Variants in KLHL29 observed in about 807,000 individuals in gnomAD.
KLHL29 encodes kelch like family member 29.
Under a neutral mutation model 80.4 loss-of-function variants are expected in KLHL29, and 21 were observed. That is an observed-to-expected ratio of 0.26 (90% CI 0.19 to 0.38). The LOEUF is 0.38. Among genes scored for constraint, KLHL29 ranks in the 10% least tolerant of loss-of-function variants. The pLI is 1.00. For synonymous variants in KLHL29, 511 were observed against 526.8 expected (o/e 0.97, Z 0.41); for missense variants, 867 against 1,223.9 (o/e 0.71, Z 4.35).
intron 5 of KLHL29, among the ~76,000 whole-genome samples, chr2:23,676,443 A>C (rs929670635): frequency 6.6e-6 from 1 of 152,122 alleles, no homozygotes; most frequent in Non-Finnish European, 1.5e-5. Context: ...CAGCCTCCCA[A>C]AGTGCTGGGA....
At chr2:23,393,791 A>T (rs1666381007) in intron 1 of KLHL29, among the ~76,000 whole-genome samples, 1 of 152,196 alleles carries the variant, frequency 6.6e-6, no homozygotes, top group South Asian at 2.1e-4. Flanking sequence ...ACGTGGTTGC[A>T]GTGCCTGGGA....
intron 3 of KLHL29, among the ~76,000 whole-genome samples, chr2:23,602,044 C>T (rs924173796): frequency 6.6e-6 from 1 of 152,154 alleles, no homozygotes; most frequent in Non-Finnish European, 1.5e-5. Context: ...GCAGTCACTG[C>T]CCTGGAGAAA....
Position 23,579,760 on chromosome 2 carries a change from C to G in KLHL29, c.285+17279C>G, listed in dbSNP as rs563938530. ...CCTGAAGGAAAAGTGGCTTAAGACCCTTGGCGATCCCACCTCTTCTGGCTT... is the reference window on the plus strand; with the variant it reads ...CCTGAAGGAAAAGTGGCTTAAGACCGTTGGCGATCCCACCTCTTCTGGCTT... On this transcript the variant is annotated intron_variant, in intron 3 of 13. Transcript: ENST00000486442. 1.5e-3 allele frequency among the ~76,000 whole-genome samples: 229 copies of G among 152,280 alleles called. 1 individual carries two copies. The highest frequency in any genetic ancestry group is 5.1e-3 in the African/African-American group (213 of 41,558).
intron 1 of KLHL29, among the ~76,000 whole-genome samples, chr2:23,436,139 T>C (rs527940788): frequency 1.3e-5 from 2 of 152,304 alleles, no homozygotes; most frequent in East Asian, 1.9e-4. Flanking sequence ...TATAGCTTTA[T>C]TGCAGATGAC....
chr2:23,412,118 G>A (rs1025405760), intron 1 of KLHL29, among the ~76,000 whole-genome samples: 11 of 47,524 alleles, frequency 2.3e-4, no homozygotes, highest in Non-Finnish European at 4.3e-4. Context: ...ATGTGTGTGC[G>A]TGAAGGGGGG....
chr2:23,490,751 T>C (rs777644360), intron 2 of KLHL29, among the ~76,000 whole-genome samples: 5 of 152,182 alleles, frequency 3.3e-5, no homozygotes, highest in Non-Finnish European at 7.4e-5. Flanking sequence ...TAATGCTGGT[T>C]CATACCCTTC....
chr2:23,477,896 A>G (rs181040498), intron 2 of KLHL29, among the ~76,000 whole-genome samples: 7 of 152,308 alleles, frequency 4.6e-5, no homozygotes, highest in Admixed American at 2.6e-4. Context: ...GGTTTCTTCA[A>G]TGTTGACCCT....
intron 2 of KLHL29, among the ~76,000 whole-genome samples, chr2:23,496,155 G>T (rs1665260398): frequency 6.6e-6 from 1 of 152,214 alleles, no homozygotes; most frequent in South Asian, 2.1e-4. Context: ...GAGGACTCCG[G>T]CTTACCCGCT....
chr2:23,697,891 C>A (rs1672071936), intron 11 of KLHL29: 1 of 152,212 alleles, frequency 6.6e-6, no homozygotes, highest in Non-Finnish European at 1.5e-5. Flanking sequence ...AATAAACAAA[C>A]ACATGAAAAA....
At chr2:23,565,855 G>T (rs182525566) in intron 3 of KLHL29, among the ~76,000 whole-genome samples, 2 of 152,332 alleles carry the variant, frequency 1.3e-5, no homozygotes, top group East Asian at 3.9e-4. Flanking sequence ...GTGACTGGGG[G>T]ACTAGTGTCA....
intron 3 of KLHL29, among the ~76,000 whole-genome samples, chr2:23,586,007 C>G (rs1668109043): frequency 6.6e-6 from 1 of 152,126 alleles, no homozygotes; most frequent in Non-Finnish European, 1.5e-5. Context: ...ATGTTTAAGC[C>G]TAGCCTGGAG....
intron 3 of KLHL29, among the ~76,000 whole-genome samples, chr2:23,631,533 T>A (rs1669469035): frequency 6.6e-6 from 1 of 151,724 alleles, no homozygotes; most frequent in South Asian, 2.1e-4. Flanking sequence ...ATGGCAGGGC[T>A]CTGAAGGGGA....
intron 6 of KLHL29, chr2:23,688,669 T>G (rs1671391034): frequency 6.6e-6 from 1 of 151,806 alleles, no homozygotes; most frequent in South Asian, 2.1e-4. Flanking sequence ...CCTGTGTGGC[T>G]GGGGAGCACC....
intron 3 of KLHL29, among the ~76,000 whole-genome samples, chr2:23,563,489 G>A (rs1667505527): frequency 1.3e-5 from 2 of 152,170 alleles, no homozygotes; most frequent in South Asian, 4.1e-4. Flanking sequence ...GCCTGCATGC[G>A]TGTGTGTGTG....
chr2:23,415,762 G>A (rs940648754), intron 1 of KLHL29, among the ~76,000 whole-genome samples: 2 of 151,796 alleles, frequency 1.3e-5, no homozygotes, highest in South Asian at 2.1e-4. Context: ...GCAGTGGCAC[G>A]ATCACAGCTC....
chr2:23,545,016 CTGAA>C (rs923266130), intron 2 of KLHL29, among the ~76,000 whole-genome samples: 5 of 152,110 alleles, frequency 3.3e-5, no homozygotes, highest in African/African-American at 1.2e-4. Flanking sequence ...GGAGAATACT[CTGAA>C]TGAGGGTGAG....
chr2:23,421,601 T>C (rs1015778211), intron 1 of KLHL29, among the ~76,000 whole-genome samples: 3 of 150,248 alleles, frequency 2.0e-5, no homozygotes, highest in Non-Finnish European at 4.4e-5. Context: ...TGTGTCGGCA[T>C]GTCTGCTTTG....
In KLHL29 at chr2:23,696,772, T is replaced by G; in HGVS notation, c.2105+259T>G. On this transcript the variant is annotated intron_variant, in intron 11 of 13. Transcript: ENST00000486442. The surrounding 1 kb of genome is among the most constrained non-coding windows in gnomAD (Gnocchi z 5.5). Reference sequence around the variant, plus strand: ...GGGCGCTTCTGTCCCGACAACCCATTTAGGTGTCAGACAAGCTGGAGGCCC... The same window carrying G: ...GGGCGCTTCTGTCCCGACAACCCATGTAGGTGTCAGACAAGCTGGAGGCCC... The G allele has an allele frequency of 2.6e-6, 1 of 385,782 alleles. No homozygotes were observed. The highest frequency in any genetic ancestry group is 4.6e-6 in the Non-Finnish European group (1 of 215,760). The allele number at this position is 385,782 out of a possible 1,614,324, so 23.9% of individuals were successfully genotyped here.
At position 23,575,263 on chromosome 2, in the gene KLHL29, G is replaced by A. The variant is rs1046215226; in HGVS notation, c.285+12782G>A. Among the ~76,000 whole-genome samples, 5 of 152,320 alleles carry A rather than the reference G, an allele frequency of 3.3e-5. No homozygotes were observed. The South Asian group carries it at 1.0e-3, about 32-fold the overall frequency. The stretch of plus-strand genomic sequence containing the variant: ...CCCCAGAGAGCGGAGCCGAAGGTGA[G>A]GCCTTAGCTATCCATATTCAGAGGC... On this transcript the variant is annotated intron_variant, in intron 3 of 13. Coordinates refer to ENST00000486442, the MANE Select transcript of KLHL29 (RefSeq NM_052920.2).
Sources: gnomAD v4.1 joint callset for allele counts (sites outside exome capture counted in the v4.1 genomes callset) on GRCh38, gnomAD v4.1.1 for gene constraint, Gnocchi (gnomAD v3.1) non-coding constraint, MANE v1.5 for transcripts, NCBI Gene and HGNC (gene_info 2026-07-23, HGNC 2026-07-21) for gene names.